Variants in LAMA2 observed in about 807,000 individuals in gnomAD.
LAMA2 encodes laminin subunit alpha-2.
A neutral mutation model predicts 364.8 loss-of-function variants in LAMA2; 269 were observed. The observed-to-expected ratio is 0.74, with a 90% CI of 0.67 to 0.82. The LOEUF (loss-of-function observed/expected upper bound fraction) is 0.82, where lower values mean the gene tolerates loss of function less well. LAMA2 is among the 40% of genes least tolerant of loss of function. The pLI is 0.00. For synonymous variants in LAMA2, 1,379 were observed against 1,370.6 expected (o/e 1.01, Z -0.14); for missense variants, 3,807 against 3,873.2 (o/e 0.98, Z 0.45).
chr6:128,883,941 G>T (rs1003649302), intron 1 of LAMA2, among the ~76,000 whole-genome samples: 4 of 151,686 alleles, frequency 2.6e-5, no homozygotes, highest in Non-Finnish European at 5.9e-5. Flanking sequence ...GGCGCCTCCA[G>T]CCTCACCTTT....
At chr6:129,181,082 T>G (rs1252815519) in intron 10 of LAMA2, among the ~76,000 whole-genome samples, 1 of 152,120 alleles carries the variant, frequency 6.6e-6, no homozygotes, top group Non-Finnish European at 1.5e-5. Flanking sequence ...TAAAAGTTAC[T>G]ACCTTGTGTA....
In LAMA2 at chr6:129,117,440, G is replaced by A. The variant is rs73596795; in HGVS notation, c.639+19025G>A. Among the ~76,000 whole-genome samples the A allele has an allele frequency of 7.3e-3, 1,114 of 152,270 alleles. 14 individuals carry two copies. The highest frequency in any genetic ancestry group is 0.026 in the African/African-American group (1,076 of 41,556). On this transcript the variant is annotated intron_variant, in intron 4 of 64. Transcript: ENST00000421865. ...TCATGAAGGAGTACAGGGGATGGGC[G>A]CTTTGTGTGTCCACTTTGTTTGTCA...
At chr6:129,367,201 A>G (rs1247173753) in intron 33 of LAMA2, among the ~76,000 whole-genome samples, 4 of 152,212 alleles carry the variant, frequency 2.6e-5, no homozygotes, top group African/African-American at 7.2e-5. Context: ...CATTAAAGAA[A>G]TTGGGGTTGT....
intron 4 of LAMA2, among the ~76,000 whole-genome samples, chr6:129,126,929 C>T (rs1179488412): frequency 1.3e-5 from 2 of 151,996 alleles, no homozygotes; most frequent in African/African-American, 4.8e-5. Context: ...TAGCAAAGTG[C>T]GGTGGTGTGC....
At chr6:129,352,826 G>A (rs1776928613) in intron 31 of LAMA2, among the ~76,000 whole-genome samples, 1 of 151,762 alleles carries the variant, frequency 6.6e-6, no homozygotes, top group East Asian at 1.9e-4. Flanking sequence ...CCCAAATGAA[G>A]GATAATTTCA....
chr6:129,512,530 A>G, intron 63 of LAMA2, 37 bp downstream of exon 63: 5 of 1,609,792 alleles, frequency 3.1e-6, no homozygotes, highest in African/African-American at 2.7e-5. Context: ...TGATTTCTTC[A>G]TGATATTGTT....
At chr6:128,887,496 A>G (rs1023216289) in intron 1 of LAMA2, among the ~76,000 whole-genome samples, 1 of 152,144 alleles carries the variant, frequency 6.6e-6, no homozygotes, top group African/African-American at 2.4e-5. Context: ...TCACATATCA[A>G]TGTGTACAGA....
chr6:129,508,393 TTTAG>T (rs928468044), intron 62 of LAMA2, among the ~76,000 whole-genome samples: 25 of 148,216 alleles, frequency 1.7e-4, no homozygotes, highest in African/African-American at 6.0e-4. Context: ...ATTATACTCT[TTTAG>T]TTATTTTTAA....
chr6:129,111,110 A>G (rs2114900247), intron 4 of LAMA2, among the ~76,000 whole-genome samples: 1 of 152,104 alleles, frequency 6.6e-6, no homozygotes, highest in East Asian at 1.9e-4. Context: ...TTTATAAGCA[A>G]ACTTAAAAAG....
chr6:129,315,536 A>G lies in LAMA2; in HGVS notation c.3616A>G (p.Thr1206Ala), dbSNP rs190362395. ...PLVDEALQHTTTKGIVFQHPE... is the reference protein window; with the variant it reads ...PLVDEALQHTATKGIVFQHPE... ...GGTAGATGAGGCTCTGCAGCACACGACCACCAAGGGCATTGTTTTTCAACA... is the reference window on the plus strand; with the variant it reads ...GGTAGATGAGGCTCTGCAGCACACGGCCACCAAGGGCATTGTTTTTCAACA... Residue 1206 changes from threonine (T) to alanine (A), a missense_variant, in exon 25 of 65, where the codon ACC becomes GCC. Coordinates refer to ENST00000421865, the MANE Select transcript of LAMA2 (RefSeq NM_000426.4). 50 of 1,614,192 alleles carry G rather than the reference A, an allele frequency of 3.1e-5. No homozygotes were observed. The East Asian group carries it at 1.0e-3, about 33-fold the overall frequency.
chr6:128,942,289 T>C (rs1434669872), intron 1 of LAMA2, among the ~76,000 whole-genome samples: 1 of 152,188 alleles, frequency 6.6e-6, no homozygotes, highest in East Asian at 1.9e-4. Flanking sequence ...TGGAGGTTTT[T>C]TACTCAAGAG....
intron 32 of LAMA2, among the ~76,000 whole-genome samples, chr6:129,356,277 C>A (rs1282207140): frequency 6.6e-6 from 1 of 152,036 alleles, no homozygotes; most frequent in Non-Finnish European, 1.5e-5. Flanking sequence ...CTAAATTCAG[C>A]CCCACCATGC....
chr6:129,287,810 C>T (rs777465478), intron 18 of LAMA2, 37 bp from the exon 19 acceptor site: 8 of 1,517,440 alleles, frequency 5.3e-6, no homozygotes, highest in African/African-American at 1.4e-5. Context: ...CAACTGAGGT[C>T]CCCCCAAAGG....
In LAMA2 at chr6:129,403,710, A is replaced by G. The variant is rs531178938; in HGVS notation, c.5727-111A>G. ...TACTTCACTATTATTTGGAATTGTCATAGATATATTGGCCATGATCATTTG... is the reference window on the plus strand; with the variant it reads ...TACTTCACTATTATTTGGAATTGTCGTAGATATATTGGCCATGATCATTTG... On this transcript the variant is annotated intron_variant, in intron 39 of 64. Coordinates refer to ENST00000421865, the MANE Select transcript of LAMA2 (RefSeq NM_000426.4). The G allele has an allele frequency of 1.0e-5, 10 of 961,786 alleles. No individual in the cohort carries two copies. The East Asian group carries it at 1.7e-4, about 16-fold the overall frequency. 59.6% of individuals were successfully genotyped at this position (961,786 alleles called of 1,614,324 possible). A position where few individuals can be genotyped will look rare whatever the true frequency, so the allele number is the denominator to read the frequency against.
chr6:129,247,955 T>C (rs1785882107), intron 12 of LAMA2, among the ~76,000 whole-genome samples: 2 of 152,220 alleles, frequency 1.3e-5, no homozygotes, highest in Admixed American at 1.3e-4. Context: ...AATTCCTCTC[T>C]CATAGTATTT....
intron 55 of LAMA2, among the ~76,000 whole-genome samples, chr6:129,486,201 C>T (rs748150290): frequency 1.2e-4 from 18 of 152,310 alleles, no homozygotes; most frequent in African/African-American, 3.6e-4. Flanking sequence ...AGAGGACCAA[C>T]GCAAGCACAG....
chr6:129,396,480 A>G (rs1004190408), intron 37 of LAMA2, among the ~76,000 whole-genome samples: 12 of 152,118 alleles, frequency 7.9e-5, no homozygotes, highest in African/African-American at 2.7e-4. Flanking sequence ...CAGCAGAAAA[A>G]CTTTCAAAAG....
intron 28 of LAMA2, among the ~76,000 whole-genome samples, chr6:129,326,484 G>A (rs1332017476): frequency 1.3e-5 from 2 of 151,850 alleles, no homozygotes; most frequent in Non-Finnish European, 1.5e-5. Context: ...ATTACTTCTT[G>A]TGTTTCTTTT....
chr6:129,264,790 T>C (rs1787389455), intron 15 of LAMA2, among the ~76,000 whole-genome samples: 1 of 152,144 alleles, frequency 6.6e-6, no homozygotes, highest in Non-Finnish European at 1.5e-5. Flanking sequence ...AATTGCAGAA[T>C]TGTCCATCGA....
Sources: gnomAD v4.1 joint callset for allele counts (sites outside exome capture counted in the v4.1 genomes callset) on GRCh38, gnomAD v4.1.1 for gene constraint, MANE v1.5 for transcripts, NCBI Gene and HGNC (gene_info 2026-07-23, HGNC 2026-07-21) for gene names.